The following P4HA3 variants were observed in gnomAD, a reference collection of about 807,000 sequenced individuals.
P4HA3 encodes the protein prolyl 4-hydroxylase subunit alpha-3.
Under a neutral mutation model 66.7 loss-of-function variants are expected in P4HA3, and 60 were observed. That is an observed-to-expected ratio of 0.90 (90% CI 0.73 to 1.12). P4HA3 has a LOEUF of 1.12. Among genes scored for constraint, P4HA3 ranks in the 50% most tolerant of loss-of-function variants. The pLI, the probability that P4HA3 is intolerant of heterozygous loss-of-function variation, is 0.00. For synonymous variants in P4HA3, 263 were observed against 274.6 expected (o/e 0.96, Z 0.42); for missense variants, 683 against 685.8 (o/e 1.00, Z 0.05).
intron 3 of P4HA3, among the ~76,000 whole-genome samples, chr11:74,301,648 T>C (rs1468041848): frequency 6.6e-6 from 1 of 152,194 alleles, no homozygotes; most frequent in Non-Finnish European, 1.5e-5. Context: ...TAAAATGGAT[T>C]TGCTCCATTG....
rs79606355 is a variant in P4HA3, at chr11:74,267,409, G to C, written c.1565-91C>G. On this transcript the variant is annotated intron_variant, in intron 12 of 12. Coordinates refer to ENST00000331597, the MANE Select transcript of P4HA3 (RefSeq NM_182904.5). ...CTGGTGCGCACTCATAGGCGCGTGTGAGTGCCCCCTTAAATTCTGCATCCT... is the reference window on the plus strand; with the variant it reads ...CTGGTGCGCACTCATAGGCGCGTGTCAGTGCCCCCTTAAATTCTGCATCCT... The C allele has an allele frequency of 1.7e-3, 2,574 of 1,474,624 alleles. 39 individuals carry two copies. In the African/African-American group the frequency reaches 0.032, roughly 19 times the overall value. The allele number at this position is 1,474,624 out of a possible 1,614,324, so 91.3% of individuals were successfully genotyped here.
chr11:74,285,360 A>C (rs748883614), intron 7 of P4HA3: 170 of 152,838 alleles, frequency 1.1e-3, no homozygotes, highest in Admixed American at 3.8e-3. Flanking sequence ...TTGTGCTAGG[A>C]TTTTACTCCT....
At chr11:74,304,532 C>G in intron 1 of P4HA3, 120 bp from the exon 2 acceptor site, 1 of 1,198,146 alleles carries the variant, frequency 8.3e-7, no homozygotes, top group Non-Finnish European at 1.2e-6. Context: ...TCTTGAGATT[C>G]ACATAATAGT....
chr11:74,257,138 CT>C (rs1198909431), intron 15 of P4HA3, among the ~76,000 whole-genome samples: 1 of 151,694 alleles, frequency 6.6e-6, no homozygotes, highest in Non-Finnish European at 1.5e-5. Context: ...TTTTTTCTTT[CT>C]TTTTTTTAGA....
intron 7 of P4HA3, 122 bp downstream of exon 7, chr11:74,285,687 G>A: frequency 9.6e-7 from 1 of 1,037,928 alleles, no homozygotes; most frequent in Non-Finnish European, 1.4e-6. Context: ...GGAATGGTTG[G>A]CATTCTGAAC....
intron 9 of P4HA3, among the ~76,000 whole-genome samples, chr11:74,275,748 T>A (rs1860372283): frequency 1.3e-5 from 2 of 152,206 alleles, no homozygotes. Context: ...GGGTTCAATT[T>A]ATAGATCAAT....
At chr11:74,263,483 A>T (rs1170873677), downstream of P4HA3, among the ~76,000 whole-genome samples, 1 of 152,228 alleles carries the variant, frequency 6.6e-6, no homozygotes, top group African/African-American at 2.4e-5. Context: ...ACAGAGGGTT[A>T]GTTAAGGTCT....
At chr11:74,272,080 G>GT (rs1170455690) in intron 10 of P4HA3, among the ~76,000 whole-genome samples, 3 of 152,174 alleles carry the variant, frequency 2.0e-5, no homozygotes, top group Non-Finnish European at 2.9e-5. Flanking sequence ...AGGCCACATA[G>GT]TAAGTGGCAA....
chr11:74,304,558 T>C (rs1861519544), intron 1 of P4HA3, 146 bp from the exon 2 acceptor site: 1 of 920,492 alleles, frequency 1.1e-6, no homozygotes, highest in Admixed American at 2.7e-5. Context: ...CAAAAAGCCA[T>C]GCAAGCCCAA....
At chr11:74,290,429 G>T (rs1387058247) in intron 4 of P4HA3, among the ~76,000 whole-genome samples, 1 of 150,022 alleles carries the variant, frequency 6.7e-6, no homozygotes, top group African/African-American at 2.5e-5. Flanking sequence ...CTTTTGCTGT[G>T]CAGAAGCTCT....
chr11:74,302,988 G>C lies in P4HA3; in HGVS notation c.344-396C>G, dbSNP rs145072395. Among the ~76,000 whole-genome samples, 612 of 146,846 alleles carry C rather than the reference G, an allele frequency of 4.2e-3. 7 individuals carry two copies. Among genetic ancestry groups the C allele is most frequent in the Non-Finnish European group, 4.7e-3 (312 of 66,882 alleles). ...TTTAATAGAGATAGGATCTTGTTCTGTTGCCTAGGCTGGAGCACACTGGCA... is the reference window on the plus strand; with the variant it reads ...TTTAATAGAGATAGGATCTTGTTCTCTTGCCTAGGCTGGAGCACACTGGCA... On this transcript the variant is annotated intron_variant, in intron 2 of 12. Coordinates refer to ENST00000331597, the MANE Select transcript of P4HA3 (RefSeq NM_182904.5).
intron 4 of P4HA3, among the ~76,000 whole-genome samples, chr11:74,295,052 A>G (rs1267934559): frequency 6.6e-6 from 1 of 152,192 alleles, no homozygotes; most frequent in African/African-American, 2.4e-5. Context: ...CTATTCGGCC[A>G]TCTTGGCTCC....
At chr11:74,305,551 A>G (rs2058508201) in intron 1 of P4HA3, among the ~76,000 whole-genome samples, 1 of 152,198 alleles carries the variant, frequency 6.6e-6, no homozygotes. Context: ...TTAAGGAGCT[A>G]GAACAAAGAA....
rs531292059 is a variant in P4HA3, at chr11:74,289,676, A to T, written c.718-546T>A. On this transcript the variant is annotated intron_variant, in intron 4 of 12. Transcript: ENST00000331597. Reference sequence around the variant, plus strand: ...TGTTCTCATTGTTCAATTCCCACCTATGAGTGAGAACATGGGGTGTTTGGT... The same window carrying T: ...TGTTCTCATTGTTCAATTCCCACCTTTGAGTGAGAACATGGGGTGTTTGGT... Among the ~76,000 whole-genome samples, 18 of 138,178 alleles carry T rather than the reference A, an allele frequency of 1.3e-4. No homozygotes were observed. The South Asian group carries it at 4.1e-3, about 31-fold the overall frequency. The allele number at this position is 138,178 out of a possible 152,430, so 90.7% of individuals were successfully genotyped here.
At chr11:74,269,557 C>G in intron 11 of P4HA3, 95 bp downstream of exon 11, 1 of 1,334,692 alleles carries the variant, frequency 7.5e-7, no homozygotes, top group African/African-American at 1.5e-5. Context: ...GGCCCTCCTC[C>G]CAGGAATGGG....
intron 10 of P4HA3, among the ~76,000 whole-genome samples, chr11:74,270,942 T>C (rs1195303654): frequency 1.3e-5 from 2 of 152,260 alleles, no homozygotes; most frequent in South Asian, 2.1e-4. Context: ...ACTAGTATTA[T>C]GGGGTCAAAA....
intron 15 of P4HA3, chr11:74,254,138 A>G (rs1187283251): frequency 6.5e-6 from 1 of 153,452 alleles, no homozygotes; most frequent in East Asian, 1.9e-4. Context: ...ATGGCCTCCC[A>G]TCTGGGAGAG....
At chr11:74,311,049 G>T (rs973138489) in intron 1 of P4HA3, among the ~76,000 whole-genome samples, 22 of 152,184 alleles carry the variant, frequency 1.4e-4, no homozygotes, top group African/African-American at 5.1e-4. Context: ...AGGTCCTAGA[G>T]TCACCCCGCC....
intron 3 of P4HA3, among the ~76,000 whole-genome samples, chr11:74,301,884 AG>A (rs1861417727): frequency 6.6e-6 from 1 of 152,186 alleles, no homozygotes; most frequent in Non-Finnish European, 1.5e-5. Context: ...AGAAAGTCTC[AG>A]GAGGCTGTTT....
Sources: gnomAD v4.1 joint callset for allele counts (sites outside exome capture counted in the v4.1 genomes callset) on GRCh38, gnomAD v4.1.1 for gene constraint, MANE v1.5 for transcripts, NCBI Gene and HGNC (gene_info 2026-07-23, HGNC 2026-07-21) for gene names.